RNF157: variants seen among roughly 807,000 people sequenced by gnomAD.
The protein encoded by RNF157 is E3 ubiquitin ligase RNF157.
In RNF157, 55 loss-of-function variants were observed where a neutral mutation model predicts 88.3. The observed-to-expected ratio is 0.62, with a 90% CI of 0.50 to 0.78. RNF157 has a LOEUF of 0.78. Ranked by LOEUF, RNF157 falls within the 30% of genes least tolerant of loss-of-function variation. RNF157 has a pLI of 0.00. For synonymous variants in RNF157, 334 were observed against 341.2 expected, an observed-to-expected ratio of 0.98 and a Z score of 0.23; for missense variants, 788 against 860.8, an observed-to-expected ratio of 0.92 and a Z score of 1.06.
At chr17:76,166,603 G>T in intron 5 of RNF157, 76 bp from the exon 6 acceptor site, 2 of 1,190,024 alleles carry the variant, frequency 1.7e-6, no homozygotes, top group Non-Finnish European at 2.5e-6. Context: ...CTCAGAAAGG[G>T]CGATACTGTC....
intron 1 of RNF157, among the ~76,000 whole-genome samples, chr17:76,238,537 G>A (rs1035781088): frequency 2.6e-5 from 4 of 152,142 alleles, no homozygotes; most frequent in African/African-American, 7.2e-5. Context: ...ATGCTTTGGG[G>A]AACAGCCTTC....
chr17:76,223,036 G>A (rs546186169), intron 1 of RNF157, among the ~76,000 whole-genome samples: 216 of 151,616 alleles, frequency 1.4e-3, no homozygotes, highest in Middle Eastern at 3.5e-3. Context: ...GACTACAGGC[G>A]CCCGCCACCA....
At chr17:76,203,785 T>G (rs866123882) in intron 2 of RNF157, among the ~76,000 whole-genome samples, 42 of 146,296 alleles carry the variant, frequency 2.9e-4, no homozygotes, top group Admixed American at 7.4e-4. Context: ...TTTTTTTTTT[T>G]GGGACGGAGT....
In RNF157 at chr17:76,167,258, C is replaced by T. The variant is rs1033308776; in HGVS notation, c.444-132G>A. ...AGAGAAGAAAGGGTCCTTTATAATC[C>T]ATTTCCTTTGCTCTTGCTTGGCAAC... On this transcript the variant is annotated intron_variant, in intron 4 of 18. Transcript: ENST00000269391. 5.1e-5 allele frequency: 37 copies of T among 728,228 alleles called. No individual in the cohort carries two copies. The African/African-American group carries it at 5.9e-4, about 12-fold the overall frequency. 45.1% of individuals were successfully genotyped at this position (728,228 alleles called of 1,614,324 possible).
intron 2 of RNF157, among the ~76,000 whole-genome samples, chr17:76,206,432 T>C (rs1568062817): frequency 6.6e-6 from 1 of 152,200 alleles, no homozygotes; most frequent in Non-Finnish European, 1.5e-5. Context: ...GATTCACAGA[T>C]ACCTTAGTTC....
At chr17:76,209,472 AT>A (rs2069739279) in intron 2 of RNF157, among the ~76,000 whole-genome samples, 1 of 147,152 alleles carries the variant, frequency 6.8e-6, no homozygotes, top group African/African-American at 2.7e-5. Flanking sequence ...ACATTGTAAG[AT>A]TTTTTTGCGT....
At chr17:76,155,019 C>T (rs529450724) in intron 16 of RNF157, among the ~76,000 whole-genome samples, 79 of 152,368 alleles carry the variant, frequency 5.2e-4, no homozygotes, top group African/African-American at 1.9e-3. Context: ...CTTGAACTCA[C>T]TCCACACCAG....
At chr17:76,152,264 G>C (rs1325378273) in intron 18 of RNF157, 91 bp downstream of exon 18, 2 of 850,522 alleles carry the variant, frequency 2.4e-6, no homozygotes, top group African/African-American at 3.3e-5. Context: ...AGGAACTGCA[G>C]GGCAGGAGAT....
intron 1 of RNF157, among the ~76,000 whole-genome samples, chr17:76,235,736 C>T (rs184898229): frequency 1.1e-4 from 16 of 152,262 alleles, no homozygotes; most frequent in Non-Finnish European, 1.5e-5. Flanking sequence ...TGGCTGGGTA[C>T]GGTAGATCAC....
chr17:76,146,648 G>A lies in RNF157; in HGVS notation c.1922-1295C>T, dbSNP rs1196858953. On this transcript the variant is annotated intron_variant, in intron 18 of 18. Transcript: ENST00000269391. The surrounding 1 kb of genome is among the most constrained non-coding windows in gnomAD (Gnocchi z 4.2). ...CCCAGTGTGCTCCTAAGTGCTCCCT[G>A]CAGCCTGAACTACTGCTCCACGCAC... 5.1e-6 allele frequency: 5 copies of A among 985,358 alleles called. No homozygotes were observed. Among genetic ancestry groups the A allele is most frequent in the Non-Finnish European group, 4.8e-6 (4 of 829,946 alleles). 61.0% of individuals were successfully genotyped at this position (985,358 alleles called of 1,614,324 possible).
In RNF157 at chr17:76,162,572, A is replaced by G. The variant is rs747875818; in HGVS notation, c.772T>C (p.Tyr258His). The G allele has an allele frequency of 1.9e-6, 3 of 1,613,152 alleles. No individual in the cohort carries two copies. The highest frequency in any genetic ancestry group is 2.5e-6 in the Non-Finnish European group (3 of 1,179,494). The change falls in exon 9 of 19, where the codon TAC (tyrosine) becomes CAC (histidine). Residue 258 changes from tyrosine to histidine, a missense_variant. Tyr to His is a moderately conservative substitution (Grantham distance 83). Transcript: ENST00000269391. ...LQEIYGIENK[Y>H]NTQDSKVAED... ...CTTACCTTAGAATCTTGTGTGTTGTACTTGTTTTCAATTCCATAGATCTCC... is the reference window on the plus strand; with the variant it reads ...CTTACCTTAGAATCTTGTGTGTTGTGCTTGTTTTCAATTCCATAGATCTCC...
At chr17:76,210,013 C>T (rs2069755044) in intron 2 of RNF157, among the ~76,000 whole-genome samples, 2 of 152,070 alleles carry the variant, frequency 1.3e-5, no homozygotes, top group Admixed American at 1.3e-4. Context: ...CCGCCTCGGC[C>T]TCCCAGAGTG....
chr17:76,159,303 G>A (rs138367333), intron 12 of RNF157, 32 bp downstream of exon 12: 32 of 1,562,324 alleles, frequency 2.0e-5, no homozygotes, highest in Admixed American at 8.4e-5. Flanking sequence ...CAAGGATTCC[G>A]GGGGCAACAG....
At chr17:76,172,529 TGCAGTGAGCCGAGATC>T (rs1021278098) in intron 3 of RNF157, among the ~76,000 whole-genome samples, 4 of 142,730 alleles carry the variant, frequency 2.8e-5, no homozygotes, top group Admixed American at 1.5e-4. Flanking sequence ...AGGTGGAGGT[TGCAGTGAGCCGAGATC>T]GCAGTGAGCC....
At chr17:76,150,022 G>A (rs2068650244) in intron 18 of RNF157, among the ~76,000 whole-genome samples, 1 of 152,102 alleles carries the variant, frequency 6.6e-6, no homozygotes, top group African/African-American at 2.4e-5. Flanking sequence ...GACAGAGCGA[G>A]ACTCTGTCTC....
intron 1 of RNF157, among the ~76,000 whole-genome samples, chr17:76,239,866 C>T (rs979300091): frequency 1.3e-5 from 2 of 152,164 alleles, no homozygotes; most frequent in African/African-American, 4.8e-5. Context: ...GGGCACGCGT[C>T]CCCGTCACGG....
rs552072454 is a variant in RNF157 at position 76,168,453 on chromosome 17, G to A, written c.297-656C>T. Among the ~76,000 whole-genome samples, 12 of 145,300 alleles carry A rather than the reference G, an allele frequency of 8.3e-5. No homozygotes were observed. The South Asian group carries it at 1.1e-3, about 13-fold the overall frequency. Reference sequence around the variant, plus strand: ...ATTTTTTTTTTTTTCTTCCAGTTGCGTAGTTTCCTATGTACTCATCACAAA... The same window carrying A: ...ATTTTTTTTTTTTTCTTCCAGTTGCATAGTTTCCTATGTACTCATCACAAA... On this transcript the variant is annotated intron_variant, in intron 3 of 18. Transcript: ENST00000269391.
At chr17:76,173,664 A>G (rs1236016703) in intron 3 of RNF157, 38 bp downstream of exon 3, 5 of 1,489,024 alleles carry the variant, frequency 3.4e-6, no homozygotes, top group Non-Finnish European at 4.6e-6. Context: ...CCCCAAAGGA[A>G]GGTGCCTGGG....
intron 1 of RNF157, among the ~76,000 whole-genome samples, chr17:76,213,569 CAA>C (rs532739758): frequency 1.2e-4 from 9 of 76,044 alleles, no homozygotes; most frequent in Admixed American, 2.9e-4. Flanking sequence ...AACTCCATCT[CAA>C]AAAAAAAAAA....
Sources: allele counts gnomAD v4.1 joint callset (sites outside exome capture counted in the v4.1 genomes callset), GRCh38; gene constraint gnomAD v4.1.1; non-coding constraint Gnocchi (gnomAD v3.1); transcripts MANE v1.5; gene names NCBI Gene and HGNC (gene_info 2026-07-23, HGNC 2026-07-21).